CDK17: variants seen among roughly 807,000 people sequenced by gnomAD.
CDK17 encodes the protein cyclin-dependent kinase 17.
Under a neutral mutation model 77.6 loss-of-function variants are expected in CDK17, and 24 were observed. The observed-to-expected ratio is 0.31, with a 90% CI of 0.22 to 0.44. The LOEUF is 0.44. Among genes scored for constraint, CDK17 ranks in the 20% least tolerant of loss-of-function variants. CDK17 has a pLI of 1.00. For synonymous variants in CDK17, 203 were observed against 210.4 expected (o/e 0.96, Z 0.30); for missense variants, 429 against 622.5 (o/e 0.69, Z 3.31).
intron 1 of CDK17, among the ~76,000 whole-genome samples, chr12:96,365,677 CA>C (rs1385234959): frequency 6.6e-6 from 1 of 152,156 alleles, no homozygotes; most frequent in African/African-American, 2.4e-5. Context: ...ACTATGCTAC[CA>C]AAATGTGTTT....
intron 4 of CDK17, among the ~76,000 whole-genome samples, chr12:96,312,953 A>G (rs12822718): frequency 0.062 from 9,497 of 152,286 alleles, 385 homozygotes; most frequent in Admixed American, 0.092. Flanking sequence ...GATGAATCTC[A>G]AAAATATCAT....
chr12:96,308,229 T>TAAAAAAAAACAAAAAAAAAAAAAA, intron 5 of CDK17, among the ~76,000 whole-genome samples: 1 of 63,766 alleles, frequency 1.6e-5, no homozygotes, highest in Non-Finnish European at 3.1e-5. Context: ...ATGCCATCTC[T>TAAAAAAAAACAAAAAAAAAAAAAA]AAAAAAAAAA....
intron 5 of CDK17, among the ~76,000 whole-genome samples, chr12:96,302,202 C>T (rs1006741069): frequency 2.0e-5 from 3 of 151,934 alleles, no homozygotes; most frequent in African/African-American, 7.2e-5. Context: ...AGTAAAACTA[C>T]AATAGATAAC....
intron 1 of CDK17, among the ~76,000 whole-genome samples, chr12:96,342,421 G>A (rs531410317): frequency 5.9e-5 from 9 of 152,266 alleles, no homozygotes; most frequent in Admixed American, 4.6e-4. Flanking sequence ...AATTAGCCAG[G>A]CGTGGTGGTG....
intron 5 of CDK17, among the ~76,000 whole-genome samples, chr12:96,300,776 G>T (rs1674339634): frequency 6.6e-6 from 1 of 152,146 alleles, no homozygotes; most frequent in Non-Finnish European, 1.5e-5. Flanking sequence ...ACTAAGAATA[G>T]AAAAATCTGA....
At chr12:96,295,777 G>A (rs1008228612) in intron 9 of CDK17, among the ~76,000 whole-genome samples, 44 of 152,304 alleles carry the variant, frequency 2.9e-4, no homozygotes, top group Middle Eastern at 3.4e-3. Flanking sequence ...CATTAGCACC[G>A]TAGTGTTCTG....
At chr12:96,397,684 C>T (rs552563769) in intron 1 of CDK17, among the ~76,000 whole-genome samples, 4 of 151,966 alleles carry the variant, frequency 2.6e-5, no homozygotes, top group African/African-American at 7.3e-5. Flanking sequence ...AACCTTGCTA[C>T]TTTTTGGTAG....
At chr12:96,291,170 A>G (rs1175396485) in intron 10 of CDK17, among the ~76,000 whole-genome samples, 3 of 151,568 alleles carry the variant, frequency 2.0e-5, no homozygotes, top group Non-Finnish European at 4.4e-5. Context: ...TGAATATACT[A>G]TCTCATGGAA....
At position 96,286,023 on chromosome 12, in the gene CDK17, C is replaced by A; in HGVS notation, c.1322+20G>T. 1 of 1,242,828 alleles carries A rather than the reference C, an allele frequency of 8.0e-7. No individual in the cohort carries two copies. Among genetic ancestry groups the A allele is most frequent in the Non-Finnish European group, 1.2e-6 (1 of 853,230 alleles). 77.0% of individuals were successfully genotyped at this position (1,242,828 alleles called of 1,614,324 possible). Reference sequence around the variant, plus strand: ...AAGAATCATGTGTTTTCCCCCCTTTCACATAAGAAAAAAAAATACCTGGGT... The same window carrying A: ...AAGAATCATGTGTTTTCCCCCCTTTAACATAAGAAAAAAAAATACCTGGGT... On this transcript the variant is annotated intron_variant, in intron 13 of 16. Transcript: ENST00000261211.
intron 1 of CDK17, among the ~76,000 whole-genome samples, chr12:96,352,164 A>G (rs1212037774): frequency 6.6e-6 from 1 of 152,116 alleles, no homozygotes. Flanking sequence ...CTCATTCACA[A>G]AGCAAATCTG....
chr12:96,328,098 C>G (rs1952914491), intron 2 of CDK17, among the ~76,000 whole-genome samples: 1 of 152,074 alleles, frequency 6.6e-6, no homozygotes, highest in Admixed American at 6.6e-5. Context: ...GCTCCACCTC[C>G]TGTCAGATCA....
At chr12:96,299,016 AG>A in intron 6 of CDK17, 33 bp from the exon 7 acceptor site, 1 of 1,059,926 alleles carries the variant, frequency 9.4e-7, no homozygotes. Context: ...ACGCATCAAA[AG>A]TATCATAAGA....
chr12:96,368,772 G>A (rs1258384614), intron 1 of CDK17, among the ~76,000 whole-genome samples: 5 of 131,636 alleles, frequency 3.8e-5, no homozygotes, highest in Non-Finnish European at 7.8e-5. Flanking sequence ...CTGATTCCTT[G>A]GAAGAGGAAA....
At chr12:96,291,022 GA>G (rs1952316940) in intron 10 of CDK17, among the ~76,000 whole-genome samples, 1 of 150,964 alleles carries the variant, frequency 6.6e-6, no homozygotes, top group Non-Finnish European at 1.5e-5. Flanking sequence ...CTGATCGTGG[GA>G]AAAGGGTAGA....
At chr12:96,349,947 A>T (rs1245531679) in intron 1 of CDK17, among the ~76,000 whole-genome samples, 1 of 152,234 alleles carries the variant, frequency 6.6e-6, no homozygotes, top group East Asian at 1.9e-4. Flanking sequence ...AACTGCCATG[A>T]TGAAATCAGT....
At chr12:96,331,186 G>A (rs1199366551) in intron 2 of CDK17, among the ~76,000 whole-genome samples, 2 of 152,118 alleles carry the variant, frequency 1.3e-5, no homozygotes, top group African/African-American at 4.8e-5. Context: ...CCAGTGATCT[G>A]CCCACCTCGG....
chr12:96,359,727 AAAAT>A (rs1953463587), intron 1 of CDK17, among the ~76,000 whole-genome samples: 1 of 152,244 alleles, frequency 6.6e-6, no homozygotes, highest in Non-Finnish European at 1.5e-5. Context: ...AGAGTAAACA[AAAAT>A]AAACACAATT....
At chr12:96,309,213 T>G (rs779361622) in intron 5 of CDK17, among the ~76,000 whole-genome samples, 5 of 152,214 alleles carry the variant, frequency 3.3e-5, no homozygotes, top group Non-Finnish European at 5.9e-5. Flanking sequence ...AAACATGACA[T>G]CTACACCCAA....
In CDK17 at chr12:96,394,829, C is replaced by T. The variant is rs539294121; in HGVS notation, c.-30+5157G>A. Among the ~76,000 whole-genome samples, 8 of 149,736 alleles carry T rather than the reference C, an allele frequency of 5.3e-5. No individual in the cohort carries two copies. The East Asian group carries it at 1.6e-3, about 29-fold the overall frequency. ...AAAAAAAAGAAAAAAAAAAGGTAGA[C>T]AAAAAATATTTATTATTTTATTTTT... On this transcript the variant is annotated intron_variant, in intron 1 of 16. Coordinates refer to ENST00000261211, the MANE Select transcript of CDK17 (RefSeq NM_002595.5).
Sources: gnomAD v4.1 joint callset for allele counts (sites outside exome capture counted in the v4.1 genomes callset) on GRCh38, gnomAD v4.1.1 for gene constraint, MANE v1.5 for transcripts, NCBI Gene and HGNC (gene_info 2026-07-23, HGNC 2026-07-21) for gene names.